Variants in CCDC24 observed in about 807,000 individuals in gnomAD.
CCDC24 encodes the protein coiled-coil domain containing 24, also known as coiled-coil domain-containing protein 24.
A neutral mutation model predicts 31.6 loss-of-function variants in CCDC24; 34 were observed. That is an observed-to-expected ratio of 1.08 (90% confidence interval 0.82 to 1.43). CCDC24 has a LOEUF of 1.43. CCDC24 is among the 40% of genes most tolerant of loss of function. The pLI is 0.00. For synonymous variants in CCDC24, 175 were observed against 157.3 expected (o/e 1.11, Z -0.84); for missense variants, 426 against 391.1 (o/e 1.09, Z -0.75).
Position 43,995,882 on chromosome 1 carries a change from C to T in CCDC24, c.701+26C>T. 6.2e-7 allele frequency: 1 copy of T among 1,614,006 alleles called. No homozygotes were observed. ...GTAAACCACAACAGTAGACACAGGG[C>T]AGGGTGGACTGAAGGATCAGACCAC... On this transcript the variant is annotated intron_variant, in intron 8 of 8. Coordinates refer to ENST00000372318, the MANE Select transcript of CCDC24 (RefSeq NM_152499.4). This position sits in a 1 kb window ranked among gnomAD's most constrained non-coding sequence, Gnocchi z 4.3.
rs753526629 is a variant in CCDC24, at chr1:43,995,826, T to C, written c.671T>C (p.Val224Ala). The C allele has an allele frequency of 6.2e-7, 1 of 1,614,208 alleles. No homozygotes were observed. Among genetic ancestry groups the C allele is most frequent in the Admixed American group, 1.7e-5 (1 of 60,034 alleles). ...ATGGAGCAGGAGCTGCAGGCATCTG[T>C]GGGGCCTTCTTGTGTCTCTCCCAAC... ...KAMEQELQASVGPSCVSPNHR... is the reference protein window; with the variant it reads ...KAMEQELQASAGPSCVSPNHR... Residue 224 changes from valine (V) to alanine (A), a missense_variant, in exon 8 of 9, where the codon GTG becomes GCG. Physicochemically the swap from Val to Ala is moderately conservative, Grantham distance 64 (BLOSUM62 0). Transcript: ENST00000372318. The surrounding 1 kb of genome is among the most constrained non-coding windows in gnomAD (Gnocchi z 4.3).
Position 43,995,725 on chromosome 1 carries a change from T to C in CCDC24, c.623-53T>C. 6.2e-7 allele frequency: 1 copy of C among 1,613,346 alleles called. No homozygotes were observed. Among genetic ancestry groups the C allele is most frequent in the Non-Finnish European group, 8.5e-7 (1 of 1,179,444 alleles). ...CCAGCCTCCTGCTCCCACCCCACAC[T>C]TGTACACACCCTAGAAGAGCTGGGC... is the stretch of plus-strand genomic sequence containing the variant. On this transcript the variant is annotated intron_variant, in intron 7 of 8. Transcript: ENST00000372318. The surrounding 1 kb of genome is among the most constrained non-coding windows in gnomAD (Gnocchi z 4.3).
Position 43,995,602 on chromosome 1 carries a change from G to A in CCDC24, c.554G>A (p.Arg185His), listed in dbSNP as rs370432718. Residue 185 changes from arginine (R) to histidine (H), a missense_variant and splice_region_variant, in exon 7 of 9, where the codon CGC becomes CAC. Physicochemically the swap from Arg to His is conservative, Grantham distance 29. Transcript: ENST00000372318. This position sits in a 1 kb window ranked among gnomAD's most constrained non-coding sequence, Gnocchi z 4.3. Reference protein sequence around the residue: ...TLEREILILQRCLEEEYLRPC... With the variant: ...TLEREILILQHCLEEEYLRPC... ...GCACTGACGCAGCTCTCCCTGCAGCGCTGCCTGGAAGAGGAGTATTTGAGG... is the reference window on the plus strand; with the variant it reads ...GCACTGACGCAGCTCTCCCTGCAGCACTGCCTGGAAGAGGAGTATTTGAGG... 1.6e-5 allele frequency: 26 copies of A among 1,606,180 alleles called. No homozygotes were observed. Among genetic ancestry groups the A allele is most frequent in the African/African-American group, 6.7e-5 (5 of 74,878 alleles).
Position 43,991,728 on chromosome 1 carries a change from G to A in CCDC24, c.-51G>A, listed in dbSNP as rs753417059. 2 of 1,021,576 alleles carry A rather than the reference G, an allele frequency of 2.0e-6. No homozygotes were observed. The highest frequency in any genetic ancestry group is 1.6e-5 in the African/African-American group (1 of 63,200). The allele number at this position is 1,021,576 out of a possible 1,614,324, so 63.3% of individuals were successfully genotyped here. A position where few individuals can be genotyped will look rare whatever the true frequency, so the allele number is the denominator to read the frequency against. ...CGGAACGGGCAATCCCAGCCGAGGG[G>A]ACCAGCGGCAGAGCACGGGTGGGGC... On this transcript the variant is annotated 5_prime_UTR_variant, in exon 1 of 9. Transcript: ENST00000372318.
At chr1:43,992,418 A>G (rs1304758686) in intron 3 of CCDC24, 31 bp downstream of exon 3, 4 of 1,613,466 alleles carry the variant, frequency 2.5e-6, no homozygotes, top group South Asian at 1.1e-5. Context: ...CCCTTTCCCT[A>G]GATACCAGGT....
rs2085761688 is a variant in CCDC24 at position 43,992,347 on chromosome 1, T to G, written c.262T>G (p.Leu88Val). 1 of 1,614,066 alleles carries G rather than the reference T, an allele frequency of 6.2e-7. No homozygotes were observed. Among genetic ancestry groups the G allele is most frequent in the Admixed American group, 1.7e-5 (1 of 59,998 alleles). ...KDLLRQELRQ[L>V]LQGLRHKAIC... ...CCTCTTGCGCCAGGAGCTCCGGCAG[T>G]TGCTCCAGGGTCTCCGCCACAAAGC... is the stretch of plus-strand genomic sequence containing the variant. Residue 88 changes from leucine (L) to valine (V), a missense_variant, in exon 3 of 9, where the codon TTG (leucine) becomes GTG (valine). Physicochemically the swap from Leu to Val is conservative, Grantham distance 32. Transcript: ENST00000372318.
At chr1:43,993,381 C>T (rs1329711418) in intron 4 of CCDC24, among the ~76,000 whole-genome samples, 1 of 151,554 alleles carries the variant, frequency 6.6e-6, no homozygotes, top group Non-Finnish European at 1.5e-5. Flanking sequence ...GAATTCGGGG[C>T]TGCAGTGAGC....
At position 43,996,114 on chromosome 1, in the gene CCDC24, C is replaced by T; in HGVS notation, c.878C>T (p.Pro293Leu). 4.3e-6 allele frequency: 7 copies of T among 1,612,998 alleles called. No homozygotes were observed. The highest frequency in any genetic ancestry group is 5.9e-6 in the Non-Finnish European group (7 of 1,179,556). The change falls in exon 9 of 9, where the codon CCA (proline) becomes CTA (leucine). Residue 293 changes from proline to leucine, a missense_variant. Pro to Leu is a moderately conservative substitution (Grantham distance 98). Transcript: ENST00000372318. ...CTTCAGTGCAGCCCCAGGGAAGGGC[C>T]AGCTTCCACACCCATGTCCAGTGCA... ...RQLQCSPREG[P>L]ASTPMSSAAP...
rs747181563 is a variant in CCDC24 at position 43,993,825 on chromosome 1, A to G, written c.420-62A>G. ...AAAGAAACAGTTGCCTAGAAGTGAT[A>G]TTTGGGTCCTGAAGGCCTGGGGTGA... On this transcript the variant is annotated intron_variant, in intron 4 of 8. Coordinates refer to ENST00000372318, the MANE Select transcript of CCDC24 (RefSeq NM_152499.4). 2.0e-6 allele frequency: 3 copies of G among 1,469,278 alleles called. No individual in the cohort carries two copies. In the South Asian group the frequency reaches 3.4e-5, roughly 17 times the overall value. The allele number at this position is 1,469,278 out of a possible 1,614,324, so 91.0% of individuals were successfully genotyped here.
chr1:43,991,765 C>T lies in CCDC24; in HGVS notation c.-33+19C>T, dbSNP rs1413882006. 5.2e-6 allele frequency: 7 copies of T among 1,351,006 alleles called. No homozygotes were observed. The highest frequency in any genetic ancestry group is 6.1e-6 in the Non-Finnish European group (6 of 977,124). 83.7% of individuals were successfully genotyped at this position (1,351,006 alleles called of 1,614,324 possible). ...AGCACGGGTGGGGCTTGGGAGAGGG[C>T]GGGGCCCATAGAGGGGCGGGGTTTG... On this transcript the variant is annotated intron_variant, in intron 1 of 8. Transcript: ENST00000372318.
chr1:43,992,789 G>A (rs1324525179), intron 4 of CCDC24, 150 bp downstream of exon 4: 1 of 737,228 alleles, frequency 1.4e-6, no homozygotes, highest in Non-Finnish European at 2.3e-6. Context: ...AGCCCATGAG[G>A]GCTACTGAAA....
rs1236945468 is a variant in CCDC24 at position 43,995,137 on chromosome 1, T to C, written c.527T>C (p.Leu176Ser). ...RGLLEEECHTLEREILILQRC... is the reference protein window; with the variant it reads ...RGLLEEECHTSEREILILQRC... The stretch of plus-strand genomic sequence containing the variant: ...CTTCTGGAGGAGGAGTGTCACACCT[T>C]GGAGAGGGAGATCCTCATCCTGCAG... The change falls in exon 6 of 9, where the codon TTG becomes TCG. Residue 176 changes from leucine to serine, a missense_variant. Physicochemically the swap from Leu to Ser is moderately radical, Grantham distance 145 (BLOSUM62 -2). Transcript: ENST00000372318. The surrounding 1 kb of genome is among the most constrained non-coding windows in gnomAD (Gnocchi z 4.3). 1 of 1,581,702 alleles carries C rather than the reference T, an allele frequency of 6.3e-7. No homozygotes were observed. Among genetic ancestry groups the C allele is most frequent in the Admixed American group, 1.8e-5 (1 of 56,000 alleles).
Position 43,995,995 on chromosome 1 carries a change from G to A in CCDC24, c.759G>A (p.Gly253=). Residue 253 remains glycine, a synonymous_variant, in exon 9 of 9, where the codon GGG becomes GGA. Transcript: ENST00000372318. This position sits in a 1 kb window ranked among gnomAD's most constrained non-coding sequence, Gnocchi z 4.3. ...TCAGACCCCCGCTTCCCCTCTGCGG[G>A]GTTGCACCTCTCCAGTGCTGCCTGC... is the stretch of plus-strand genomic sequence containing the variant. The part of the protein sequence containing the change: ...QGLRPPLPLC[G]VAPLQCCLPA... 2.5e-6 allele frequency: 4 copies of A among 1,614,168 alleles called. No homozygotes were observed. The highest frequency in any genetic ancestry group is 3.4e-6 in the Non-Finnish European group (4 of 1,180,020).
At chr1:43,994,830 T>G in intron 5 of CCDC24, 1 of 506,428 alleles carries the variant, frequency 2.0e-6, no homozygotes, top group Non-Finnish European at 3.5e-6. Flanking sequence ...TGGGGGAAGA[T>G]GGAGGCAAGA....
Position 43,995,457 on chromosome 1 carries a change from TG to T in CCDC24, c.553-142del. The T allele has an allele frequency of 1.1e-6, 1 of 895,496 alleles. No individual in the cohort carries two copies. The highest frequency in any genetic ancestry group is 1.7e-6 in the Non-Finnish European group (1 of 596,482). The allele number at this position is 895,496 out of a possible 1,614,324, so 55.5% of individuals were successfully genotyped here. ...GCCAAACTCAGCTCTTCCGCAAGGC[TG>T]GTATTCCCTGGGGAACGTGGCTGCC... On this transcript the variant is annotated intron_variant, in intron 6 of 8. Coordinates refer to ENST00000372318, the MANE Select transcript of CCDC24 (RefSeq NM_152499.4). The surrounding 1 kb of genome is among the most constrained non-coding windows in gnomAD (Gnocchi z 4.3).
chr1:43,994,740 C>T (rs563277150), intron 5 of CCDC24: 22 of 256,146 alleles, frequency 8.6e-5, no homozygotes, highest in South Asian at 3.2e-4. Context: ...CTCGCCTGGC[C>T]GACCCTGTTT....
chr1:43,995,962 A>G lies in CCDC24; in HGVS notation c.726A>G (p.Thr242=). Residue 242 remains threonine (T), a synonymous_variant, in exon 9 of 9, where the codon ACA becomes ACG. Transcript: ENST00000372318. This position sits in a 1 kb window ranked among gnomAD's most constrained non-coding sequence, Gnocchi z 4.3. ...NHRQRPLGSS[T]QGLRPPLPLC... is the part of the protein sequence containing the mutation. ...GGCAGCGGCCCTTGGGGTCCTCCAC[A>G]CAGGGCCTCAGACCCCCGCTTCCCC... is the stretch of plus-strand genomic sequence containing the variant. The G allele has an allele frequency of 6.2e-7, 1 of 1,614,100 alleles. No individual in the cohort carries two copies. The highest frequency in any genetic ancestry group is 1.1e-5 in the South Asian group (1 of 91,080).
chr1:43,993,893 TCA>T lies in CCDC24; in HGVS notation c.429_430del (p.His143GlnfsTer16). Reference sequence around the variant, plus strand: ...ATAGTGACTTCATTGCCAGCAGCGGTCACAGAGATCTCAGCATCATCAAGGAC... The same window carrying T: ...ATAGTGACTTCATTGCCAGCAGCGGTCAGAGATCTCAGCATCATCAAGGAC... ...QMRGGGPSSG[H>X]RDLSIIKDQL... On this transcript the variant is annotated frameshift_variant, in exon 5 of 9. Transcript: ENST00000372318. LOFTEE classifies it high-confidence loss of function. 6.2e-7 allele frequency: 1 copy of T among 1,614,048 alleles called. No homozygotes were observed.
At chr1:43,993,660 A>C (rs888684702) in intron 4 of CCDC24, 7 of 490,308 alleles carry the variant, frequency 1.4e-5, no homozygotes, top group Non-Finnish European at 2.6e-5. Flanking sequence ...AAAAAAAAAA[A>C]AAAAGGAAAA....
Sources: gnomAD v4.1 joint callset for allele counts (sites outside exome capture counted in the v4.1 genomes callset) on GRCh38, gnomAD v4.1.1 for gene constraint, Gnocchi (gnomAD v3.1) non-coding constraint, MANE v1.5 for transcripts, NCBI Gene and HGNC (gene_info 2026-07-23, HGNC 2026-07-21) for gene names.